Variants in STPG2 observed in about 807,000 individuals in gnomAD.
STPG2 encodes the protein sperm tail PG-rich repeat containing 2.
STPG2 carries 56 observed loss-of-function variants against 54.2 expected under a neutral mutation model. That is an observed-to-expected ratio of 1.03 (90% CI 0.83 to 1.29). The LOEUF (loss-of-function observed/expected upper bound fraction) is 1.29. Among genes scored for constraint, STPG2 ranks in the 50% most tolerant of loss-of-function variants. The probability of loss-of-function intolerance (pLI) is 0.00; values close to 1 mark genes in which losing one functional copy is unlikely to be tolerated. For synonymous variants in STPG2, 200 were observed against 181.8 expected (o/e 1.10, Z -0.81); for missense variants, 596 against 544.9 (o/e 1.09, Z -0.93).
At chr4:97,655,472 A>C (rs2148956896) in intron 10 of STPG2, among the ~76,000 whole-genome samples, 1 of 152,238 alleles carries the variant, frequency 6.6e-6, no homozygotes, top group South Asian at 2.1e-4. Context: ...ATTAAACAAA[A>C]GTAGAACTTT....
intron 6 of STPG2, among the ~76,000 whole-genome samples, chr4:97,977,511 A>C (rs542476666): frequency 6.6e-6 from 1 of 152,312 alleles, no homozygotes; most frequent in South Asian, 2.1e-4. Flanking sequence ...TCAAGTTTAC[A>C]ATAATAAATA....
intron 10 of STPG2, among the ~76,000 whole-genome samples, chr4:97,576,357 T>A (rs868729926): frequency 6.7e-6 from 1 of 150,288 alleles, no homozygotes; most frequent in Non-Finnish European, 1.5e-5. Context: ...ATTACCTGAC[T>A]ACAAGCCATA....
intron 5 of STPG2, among the ~76,000 whole-genome samples, chr4:98,018,436 G>A (rs141779126): frequency 0.025 from 3,757 of 152,250 alleles, 132 homozygotes; most frequent in African/African-American, 0.086. Context: ...ATTTGGGTTG[G>A]TTCCAAGTCT....
In STPG2 at chr4:97,845,584, G is replaced by A. The variant is rs559668589; in HGVS notation, c.1045-4652C>T. Among the ~76,000 whole-genome samples the A allele has an allele frequency of 5.9e-5, 9 of 152,070 alleles. No homozygotes were observed. In the South Asian group the frequency reaches 6.2e-4, roughly 11 times the overall value. On this transcript the variant is annotated intron_variant, in intron 8 of 10. Transcript: ENST00000295268. ...ATTAAACATTTTAAAACTATTGACC[G>A]ACCATGACTATTTACTTCTAAATTG...
chr4:97,634,118 G>A (rs1319565741), intron 10 of STPG2, among the ~76,000 whole-genome samples: 1 of 152,188 alleles, frequency 6.6e-6, no homozygotes, highest in Non-Finnish European at 1.5e-5. Flanking sequence ...GAGAGCAGGG[G>A]TTCTCCCAGT....
chr4:97,772,440 T>C (rs958631773), intron 9 of STPG2, among the ~76,000 whole-genome samples: 5 of 152,156 alleles, frequency 3.3e-5, no homozygotes, highest in Admixed American at 6.5e-5. Flanking sequence ...TGACAGTCAA[T>C]ACCCTTTTTA....
At chr4:97,921,266 C>T (rs768644542) in intron 8 of STPG2, among the ~76,000 whole-genome samples, 1 of 152,062 alleles carries the variant, frequency 6.6e-6, no homozygotes, top group Non-Finnish European at 1.5e-5. Context: ...ACCAATCCTG[C>T]TCCGGCAGCC....
chr4:97,707,163 G>A (rs945807865), intron 10 of STPG2, among the ~76,000 whole-genome samples: 4 of 152,094 alleles, frequency 2.6e-5, no homozygotes, highest in Admixed American at 1.3e-4. Flanking sequence ...ATGTTGTTGG[G>A]GAAAGTGATG....
intron 9 of STPG2, among the ~76,000 whole-genome samples, chr4:97,731,736 T>C (rs1358667036): frequency 6.6e-6 from 1 of 152,176 alleles, no homozygotes; most frequent in Non-Finnish European, 1.5e-5. Context: ...CACCAGTCCA[T>C]GAAACCTGGG....
chr4:97,703,822 A>G (rs931115496), intron 10 of STPG2, among the ~76,000 whole-genome samples: 1 of 149,098 alleles, frequency 6.7e-6, no homozygotes, highest in African/African-American at 2.5e-5. Context: ...GTATATATAC[A>G]TATATACACA....
intron 5 of STPG2, among the ~76,000 whole-genome samples, chr4:98,091,071 TAA>T (rs1236326933): frequency 6.6e-6 from 1 of 152,006 alleles, no homozygotes; most frequent in Non-Finnish European, 1.5e-5. Context: ...GCAAAAAATC[TAA>T]GAGTCATCAT....
intron 4 of STPG2, among the ~76,000 whole-genome samples, chr4:97,468,614 T>A (rs771411535): frequency 5.3e-5 from 8 of 152,014 alleles, no homozygotes; most frequent in Non-Finnish European, 1.0e-4. Flanking sequence ...TTAAACGTGG[T>A]AATAACCAGT....
chr4:97,994,160 T>C (rs1020065272), intron 5 of STPG2, among the ~76,000 whole-genome samples: 5 of 152,120 alleles, frequency 3.3e-5, no homozygotes, highest in African/African-American at 1.2e-4. Context: ...GTTTGAGAGG[T>C]TGTATCATTC....
chr4:97,843,433 T>C (rs1318715688), intron 8 of STPG2, among the ~76,000 whole-genome samples: 1 of 151,958 alleles, frequency 6.6e-6, no homozygotes, highest in Non-Finnish European at 1.5e-5. Context: ...AAGCATAGAA[T>C]TTGTATGATT....
chr4:97,783,008 A>T (rs1193189283), intron 9 of STPG2, among the ~76,000 whole-genome samples: 1 of 152,216 alleles, frequency 6.6e-6, no homozygotes, highest in Non-Finnish European at 1.5e-5. Flanking sequence ...ACCATTCAGG[A>T]CATAGGCATG....
chr4:97,622,576 TACA>T (rs1363345591), intron 10 of STPG2, among the ~76,000 whole-genome samples: 4 of 151,946 alleles, frequency 2.6e-5, no homozygotes, highest in African/African-American at 9.7e-5. Context: ...GAAAGATCAG[TACA>T]ACAAGAATTA....
At chr4:97,778,078 G>A (rs1361653023) in intron 9 of STPG2, among the ~76,000 whole-genome samples, 2 of 152,112 alleles carry the variant, frequency 1.3e-5, no homozygotes, top group South Asian at 2.1e-4. Flanking sequence ...AGGACAGTGG[G>A]TGCAGCCCAC....
intron 8 of STPG2, among the ~76,000 whole-genome samples, chr4:97,920,713 TAGAC>T (rs1732068701): frequency 6.6e-6 from 1 of 152,018 alleles, no homozygotes; most frequent in African/African-American, 2.4e-5. Flanking sequence ...AAAGGAAACA[TAGAC>T]AGGACCATAG....
At chr4:97,768,009 C>T (rs911273284) in intron 9 of STPG2, among the ~76,000 whole-genome samples, 3 of 151,804 alleles carry the variant, frequency 2.0e-5, no homozygotes, top group Admixed American at 6.6e-5. Context: ...CTACTAAAAA[C>T]ACAAAAAAAT....
Sources: allele counts gnomAD v4.1 joint callset (sites outside exome capture counted in the v4.1 genomes callset), GRCh38; gene constraint gnomAD v4.1.1; transcripts MANE v1.5; gene names NCBI Gene and HGNC (gene_info 2026-07-23, HGNC 2026-07-21).